Variants in SRBD1 observed in about 807,000 individuals in gnomAD.
SRBD1 encodes S1 RNA-binding domain-containing protein 1.
SRBD1 carries 88 observed loss-of-function variants against 115.3 expected under a neutral mutation model. The ratio of observed to expected loss-of-function variants is 0.76; its 90% confidence interval spans 0.64 to 0.91. The LOEUF is 0.91. Ranked by LOEUF, SRBD1 falls within the 40% of genes least tolerant of loss-of-function variation. SRBD1 has a pLI of 0.00. For synonymous variants in SRBD1, 509 were observed against 407.7 expected, an observed-to-expected ratio of 1.25 and a Z score of -2.99; for missense variants, 1,385 against 1,177.4, an observed-to-expected ratio of 1.18 and a Z score of -2.58.
intron 16 of SRBD1, among the ~76,000 whole-genome samples, chr2:45,426,968 A>T (rs1668173212): frequency 1.3e-5 from 2 of 152,242 alleles, no homozygotes; most frequent in African/African-American, 2.4e-5. Context: ...ACTCCTCGCC[A>T]GCAAGGGAAT....
At chr2:45,604,415 T>TA (rs1674200583) in intron 2 of SRBD1, among the ~76,000 whole-genome samples, 1 of 151,980 alleles carries the variant, frequency 6.6e-6, no homozygotes, top group Non-Finnish European at 1.5e-5. Context: ...GGCTTAGAAT[T>TA]AAGCCTTGAG....
At chr2:45,480,705 G>A (rs112361386) in intron 15 of SRBD1, among the ~76,000 whole-genome samples, 121 of 152,290 alleles carry the variant, frequency 7.9e-4, no homozygotes, top group African/African-American at 2.5e-3. Context: ...AAACTTCATT[G>A]ATAAAGCAGC....
At chr2:45,526,996 C>T (rs1330385917) in intron 14 of SRBD1, among the ~76,000 whole-genome samples, 1 of 151,898 alleles carries the variant, frequency 6.6e-6, no homozygotes, top group African/African-American at 2.4e-5. Flanking sequence ...TCTGGGAACA[C>T]AGATCATTTA....
chr2:45,461,125 G>C (rs913195076), intron 16 of SRBD1, among the ~76,000 whole-genome samples: 14 of 152,314 alleles, frequency 9.2e-5, no homozygotes, highest in Admixed American at 1.3e-4. Flanking sequence ...TCCTGGGGAA[G>C]TGTTATGAAG....
intron 14 of SRBD1, among the ~76,000 whole-genome samples, chr2:45,499,654 T>C (rs1196761495): frequency 6.6e-6 from 1 of 152,190 alleles, no homozygotes; most frequent in African/African-American, 2.4e-5. Context: ...CTTTAATCCA[T>C]TTTTAGTTAA....
chr2:45,551,835 C>G (rs1254795402), intron 11 of SRBD1, among the ~76,000 whole-genome samples: 1 of 152,126 alleles, frequency 6.6e-6, no homozygotes, highest in Non-Finnish European at 1.5e-5. Flanking sequence ...CAAACAAGAT[C>G]AGCTGAAAGA....
intron 15 of SRBD1, among the ~76,000 whole-genome samples, chr2:45,482,572 A>G (rs1416192112): frequency 2.0e-5 from 3 of 151,764 alleles, no homozygotes; most frequent in Non-Finnish European, 4.4e-5. Context: ...TAAAAACAAT[A>G]AAAACATCAA....
intron 9 of SRBD1, among the ~76,000 whole-genome samples, chr2:45,564,508 C>CA (rs1672766609): frequency 6.6e-6 from 1 of 152,166 alleles, no homozygotes. Flanking sequence ...AAATTCTAAG[C>CA]AATCCACTAC....
At chr2:45,585,478 T>G (rs1451701728) in intron 5 of SRBD1, 130 bp downstream of exon 5, 8 of 978,312 alleles carry the variant, frequency 8.2e-6, no homozygotes, top group Non-Finnish European at 1.0e-5. Flanking sequence ...TAAAGAGGAC[T>G]ATATCCAGAT....
At position 45,446,567 on chromosome 2, in the gene SRBD1, T is replaced by A. The variant is rs1017024889; in HGVS notation, c.2050-26673A>T. 2.0e-5 allele frequency among the ~76,000 whole-genome samples: 3 copies of A among 152,076 alleles called. No individual in the cohort carries two copies. The East Asian group carries it at 5.8e-4, about 29-fold the overall frequency. On this transcript the variant is annotated intron_variant, in intron 16 of 20. Coordinates refer to ENST00000263736, the MANE Select transcript of SRBD1 (RefSeq NM_018079.5). The stretch of plus-strand genomic sequence containing the variant: ...GAAGTCTGGTCCTAACAGTCCAATA[T>A]TGAATAAGAAATCAAATATATAGCA...
intron 16 of SRBD1, among the ~76,000 whole-genome samples, chr2:45,439,900 G>T (rs116662153): frequency 0.012 from 1,859 of 152,182 alleles, 46 homozygotes; most frequent in African/African-American, 0.041. Flanking sequence ...CTGTCTCTCG[G>T]GTTTCATAGC....
At chr2:45,406,763 G>A (rs565182791) in intron 19 of SRBD1, among the ~76,000 whole-genome samples, 29 of 152,140 alleles carry the variant, frequency 1.9e-4, no homozygotes, top group South Asian at 1.7e-3. Flanking sequence ...AAAATAAATC[G>A]GCACAGTTTC....
intron 19 of SRBD1, among the ~76,000 whole-genome samples, chr2:45,396,591 C>T (rs1171660928): frequency 1.3e-5 from 2 of 152,154 alleles, no homozygotes; most frequent in Non-Finnish European, 2.9e-5. Flanking sequence ...AAAATACAGA[C>T]CTTGCAGCAG....
chr2:45,484,988 T>C (rs148518079), intron 15 of SRBD1, among the ~76,000 whole-genome samples: 180 of 152,362 alleles, frequency 1.2e-3, no homozygotes, highest in African/African-American at 4.1e-3. Flanking sequence ...CATTCTTTCA[T>C]CATGTGAGTT....
At chr2:45,552,502 T>C (rs1361773426) in intron 11 of SRBD1, among the ~76,000 whole-genome samples, 2 of 152,086 alleles carry the variant, frequency 1.3e-5, no homozygotes, top group Non-Finnish European at 2.9e-5. Context: ...AAATCAAAAA[T>C]ATATGCAAAA....
At chr2:45,434,144 A>G (rs1305261953) in intron 16 of SRBD1, among the ~76,000 whole-genome samples, 1 of 152,248 alleles carries the variant, frequency 6.6e-6, no homozygotes, top group Non-Finnish European at 1.5e-5. Flanking sequence ...GCATGAACCT[A>G]TTATCAATTA....
intron 4 of SRBD1, among the ~76,000 whole-genome samples, chr2:45,593,007 A>C (rs1673772482): frequency 6.6e-6 from 1 of 152,226 alleles, no homozygotes; most frequent in Non-Finnish European, 1.5e-5. Context: ...GAACTACCAT[A>C]GTTTTCACTT....
chr2:45,528,554 A>C (rs991087745), intron 14 of SRBD1, among the ~76,000 whole-genome samples: 33 of 151,882 alleles, frequency 2.2e-4, no homozygotes, highest in African/African-American at 8.0e-4. Flanking sequence ...TTTGGTTGAA[A>C]CTGAGGTACC....
At chr2:45,544,574 G>C (rs1672049037) in intron 14 of SRBD1, among the ~76,000 whole-genome samples, 1 of 152,128 alleles carries the variant, frequency 6.6e-6, no homozygotes, top group Non-Finnish European at 1.5e-5. Context: ...CCATTAATAA[G>C]ACTGAACATC....
Sources: gnomAD v4.1 joint callset for allele counts (sites outside exome capture counted in the v4.1 genomes callset) on GRCh38, gnomAD v4.1.1 for gene constraint, MANE v1.5 for transcripts, NCBI Gene and HGNC (gene_info 2026-07-23, HGNC 2026-07-21) for gene names.